ULK4: variants seen among roughly 807,000 people sequenced by gnomAD.
The protein encoded by ULK4 is inactive serine/threonine-protein kinase ULK4.
A neutral mutation model predicts 160.6 loss-of-function variants in ULK4; 133 were observed. The ratio of observed to expected loss-of-function variants is 0.83; its 90% CI spans 0.72 to 0.96. The LOEUF is 0.96. Among genes scored for constraint, ULK4 ranks in the 40% least tolerant of loss-of-function variants. ULK4 has a pLI of 0.00. For synonymous variants in ULK4, 534 were observed against 539.8 expected, an observed-to-expected ratio of 0.99 and a Z score of 0.15; for missense variants, 1,580 against 1,499.5, an observed-to-expected ratio of 1.05 and a Z score of -0.89.
chr3:41,823,828 T>C (rs551310660), intron 18 of ULK4, among the ~76,000 whole-genome samples: 25 of 152,314 alleles, frequency 1.6e-4, no homozygotes, highest in African/African-American at 5.5e-4. Flanking sequence ...GGCCACATTA[T>C]CATCCCTTTA....
At position 41,308,898 on chromosome 3, in the gene ULK4, T is replaced by A. The variant is rs79598726; in HGVS notation, c.3679-59324A>T. 2.2e-3 allele frequency among the ~76,000 whole-genome samples: 330 copies of A among 152,154 alleles called. 1 individual carries two copies. Among genetic ancestry groups the A allele is most frequent in the East Asian group, 0.015 (80 of 5,172 alleles). On this transcript the variant is annotated intron_variant, in intron 35 of 36. Coordinates refer to ENST00000301831, the MANE Select transcript of ULK4 (RefSeq NM_017886.4). Reference sequence around the variant, plus strand: ...GAAGCCATTCAGAACACAAAACAGCTAAAGTGAAGGAAAATATGTATAAGA... The same window carrying A: ...GAAGCCATTCAGAACACAAAACAGCAAAAGTGAAGGAAAATATGTATAAGA...
chr3:41,577,610 A>T (rs1486169561), intron 31 of ULK4, among the ~76,000 whole-genome samples: 1 of 151,380 alleles, frequency 6.6e-6, no homozygotes, highest in African/African-American at 2.4e-5. Flanking sequence ...TCCCCCTCCA[A>T]CCTCCCACTA....
At chr3:41,466,546 C>T (rs2083840513) in intron 32 of ULK4, among the ~76,000 whole-genome samples, 1 of 151,908 alleles carries the variant, frequency 6.6e-6, no homozygotes, top group South Asian at 2.1e-4. Flanking sequence ...AACATACATG[C>T]TAAAATTAAA....
chr3:41,307,720 C>G (rs535608313), intron 35 of ULK4, among the ~76,000 whole-genome samples: 1 of 152,244 alleles, frequency 6.6e-6, no homozygotes, highest in East Asian at 1.9e-4. Flanking sequence ...GTCCTAGCCA[C>G]TTGGGAAGCT....
chr3:41,931,952 CT>C lies in ULK4; in HGVS notation c.432del (p.Val145TrpfsTer27), dbSNP rs1216811053. 3.1e-6 allele frequency: 5 copies of C among 1,614,074 alleles called. No homozygotes were observed. Among genetic ancestry groups the C allele is most frequent in the Non-Finnish European group, 4.2e-6 (5 of 1,180,008 alleles). The part of the protein sequence containing the change: ...TLKFSNFCLA[K>X]VEGENLEEFF... ...AACTCTTCCAAATTTTCACCTTCCA[CT>C]TTTGCCAAGCAAAAGTTGCTAAACT... On this transcript the variant is annotated frameshift_variant, in exon 5 of 37. Transcript: ENST00000301831. LOFTEE classifies it high-confidence loss of function.
At chr3:41,817,143 C>T (rs768101913) in intron 19 of ULK4, among the ~76,000 whole-genome samples, 1 of 151,958 alleles carries the variant, frequency 6.6e-6, no homozygotes, top group Non-Finnish European at 1.5e-5. Flanking sequence ...CACAGTGGTC[C>T]AAATGAACTA....
intron 30 of ULK4, among the ~76,000 whole-genome samples, chr3:41,625,101 A>G (rs1575495644): frequency 1.3e-5 from 2 of 152,330 alleles, no homozygotes; most frequent in African/African-American, 4.8e-5. Flanking sequence ...GAATTTTTCT[A>G]AATTGTGAGA....
intron 36 of ULK4, 69 bp from the exon 37 acceptor site, chr3:41,247,061 G>A: frequency 1.3e-6 from 2 of 1,488,430 alleles, no homozygotes; most frequent in Non-Finnish European, 1.8e-6. Context: ...CCCTTTCAAA[G>A]GGGCCAGCCT....
chr3:41,461,356 A>T (rs893694843), intron 33 of ULK4, among the ~76,000 whole-genome samples: 1 of 152,180 alleles, frequency 6.6e-6, no homozygotes, highest in African/African-American at 2.4e-5. Flanking sequence ...AGGGTTTTGG[A>T]AAGTACTTAT....
At position 41,495,889 on chromosome 3, in the gene ULK4, A is replaced by G. The variant is rs2084971278; in HGVS notation, c.3227-32636T>C. Reference sequence around the variant, plus strand: ...CAAAACCACAATGAGATACCATCTCACACCAGTTAGAAAAAAAAGAACTTT... The same window carrying G: ...CAAAACCACAATGAGATACCATCTCGCACCAGTTAGAAAAAAAAGAACTTT... On this transcript the variant is annotated intron_variant, in intron 32 of 36. Coordinates refer to ENST00000301831, the MANE Select transcript of ULK4 (RefSeq NM_017886.4). Among the ~76,000 whole-genome samples the G allele has an allele frequency of 1.3e-5, 2 of 152,116 alleles. 1 individual carries two copies. The highest frequency in any genetic ancestry group is 4.1e-4 in the South Asian group (2 of 4,834).
At chr3:41,723,648 A>G (rs959549243) in intron 22 of ULK4, among the ~76,000 whole-genome samples, 1 of 152,228 alleles carries the variant, frequency 6.6e-6, no homozygotes, top group African/African-American at 2.4e-5. Context: ...TGGCCAATAT[A>G]TGTAGGTAAC....
chr3:41,859,352 A>G (rs2042443711), intron 17 of ULK4: 1 of 590,874 alleles, frequency 1.7e-6, no homozygotes, highest in African/African-American at 1.9e-5. Context: ...CTTCCTCCTC[A>G]AGGCCAATGA....
chr3:41,250,093 T>G (rs1197724872), intron 35 of ULK4, among the ~76,000 whole-genome samples: 1 of 152,122 alleles, frequency 6.6e-6, no homozygotes, highest in Non-Finnish European at 1.5e-5. Context: ...GCCACAGTCC[T>G]ATGAGAAAAA....
chr3:41,772,234 G>A (rs1198873056), intron 21 of ULK4, among the ~76,000 whole-genome samples: 1 of 152,140 alleles, frequency 6.6e-6, no homozygotes, highest in East Asian at 1.9e-4. Context: ...AGAACTGAAG[G>A]AGATAGAGAC....
intron 35 of ULK4, among the ~76,000 whole-genome samples, chr3:41,284,071 T>C (rs955958600): frequency 4.6e-5 from 7 of 152,040 alleles, no homozygotes; most frequent in Admixed American, 2.6e-4. Flanking sequence ...AAAGCAATCA[T>C]AGATGACACA....
intron 32 of ULK4, among the ~76,000 whole-genome samples, chr3:41,477,762 C>A (rs1054361382): frequency 1.1e-4 from 17 of 152,192 alleles, no homozygotes; most frequent in Admixed American, 1.0e-3. Context: ...GCCATGGAGC[C>A]ATGGAGCACC....
intron 30 of ULK4, among the ~76,000 whole-genome samples, chr3:41,663,188 T>C (rs1163084794): frequency 6.6e-6 from 1 of 151,180 alleles, no homozygotes; most frequent in Non-Finnish European, 1.5e-5. Flanking sequence ...ACCATTGCAC[T>C]ACAGCCTGGG....
At chr3:41,389,035 T>A in intron 35 of ULK4, among the ~76,000 whole-genome samples, 1 of 151,942 alleles carries the variant, frequency 6.6e-6, no homozygotes, top group East Asian at 1.9e-4. Flanking sequence ...TTTCTTTGTA[T>A]CCTCTTTTAT....
Position 41,493,417 on chromosome 3 carries a change from A to G in ULK4, c.3227-30164T>C, listed in dbSNP as rs1293943949. 1.2e-4 allele frequency among the ~76,000 whole-genome samples: 17 copies of G among 137,606 alleles called. 1 individual carries two copies. Among genetic ancestry groups the G allele is most frequent in the Middle Eastern group, 3.6e-3 (1 of 274 alleles). The allele number at this position is 137,606 out of a possible 152,430, so 90.3% of individuals were successfully genotyped here. On this transcript the variant is annotated intron_variant, in intron 32 of 36. Transcript: ENST00000301831. ...CACAACATACCAGAATCTCTGGGAC[A>G]CATTCAAAGCAGTGTGTAGAGGGAA...
Sources: gnomAD v4.1 joint callset for allele counts (sites outside exome capture counted in the v4.1 genomes callset) on GRCh38, gnomAD v4.1.1 for gene constraint, MANE v1.5 for transcripts, NCBI Gene and HGNC (gene_info 2026-07-23, HGNC 2026-07-21) for gene names.